ABL1: variants seen among roughly 807,000 people sequenced by gnomAD.
The protein encoded by ABL1 is ABL proto-oncogene 1, non-receptor tyrosine kinase.
In ABL1, 11 loss-of-function variants were observed where a neutral mutation model predicts 94.7. The observed-to-expected ratio is 0.12, with a 90% CI of 0.07 to 0.19. The LOEUF (loss-of-function observed/expected upper bound fraction) is 0.19. Ranked by LOEUF, ABL1 falls within the 10% of genes least tolerant of loss-of-function variation. The pLI is 1.00. For missense variants in ABL1, 1,082 were observed against 1,489.4 expected (o/e 0.73, Z 4.50); for synonymous variants, 656 against 622.4 (o/e 1.05, Z -0.80).
chr9:130,770,171 GTCTC>G (rs780747993), intron 1 of ABL1, among the ~76,000 whole-genome samples: 2 of 93,394 alleles, frequency 2.1e-5, no homozygotes, highest in Admixed American at 1.0e-4. Flanking sequence ...CTCTCTCTCT[GTCTC>G]TCTCTCTCTC....
intron 1 of ABL1, among the ~76,000 whole-genome samples, chr9:130,732,448 C>T (rs1296420431): frequency 6.6e-6 from 1 of 152,064 alleles, no homozygotes; most frequent in African/African-American, 2.4e-5. Context: ...CAGCAGTATC[C>T]TTTATCTATA....
upstream of ABL1, among the ~76,000 whole-genome samples, chr9:130,830,667 C>T (rs191917315): frequency 3.3e-3 from 499 of 152,338 alleles, 3 homozygotes; most frequent in Non-Finnish European, 5.4e-3. Flanking sequence ...AGACCTGATA[C>T]AGAAATAGTC....
intron 1 of ABL1, among the ~76,000 whole-genome samples, chr9:130,767,490 G>A (rs552403060): frequency 2.0e-5 from 3 of 152,292 alleles, no homozygotes; most frequent in African/African-American, 4.8e-5. Context: ...CTGCCACCAC[G>A]TCTGGCTAAT....
At chr9:130,874,143 C>T (rs1469390383) in intron 6 of ABL1, among the ~76,000 whole-genome samples, 1 of 152,208 alleles carries the variant, frequency 6.6e-6, no homozygotes, top group Non-Finnish European at 1.5e-5. Context: ...GCAGCCATCA[C>T]CTCAAGCTGC....
intron 1 of ABL1, among the ~76,000 whole-genome samples, chr9:130,826,048 CTAACT>C (rs1216359948): frequency 2.0e-5 from 3 of 152,148 alleles, no homozygotes; most frequent in Admixed American, 2.0e-4. Context: ...TGCTCTGCCA[CTAACT>C]TGCTATGTGA....
chr9:130,862,742 G>C lies in ABL1; in HGVS notation c.550-21G>C, dbSNP rs537025188. ...GCTTGCCTGTCTCTGTGGGCTGAAG[G>C]CTGTTCCCTGTTTCCTTCAGCTCTA... On this transcript the variant is annotated intron_variant, in intron 3 of 10. Transcript: ENST00000318560. This position sits in a 1 kb window ranked among gnomAD's most constrained non-coding sequence, Gnocchi z 5.5. 7 of 1,609,278 alleles carry C rather than the reference G, an allele frequency of 4.3e-6. No homozygotes were observed. The African/African-American group carries it at 9.3e-5, about 21-fold the overall frequency.
intron 4 of ABL1, among the ~76,000 whole-genome samples, chr9:130,865,357 C>T (rs1831137275): frequency 6.6e-6 from 1 of 152,156 alleles, no homozygotes; most frequent in Non-Finnish European, 1.5e-5. Flanking sequence ...TAAATTAGCC[C>T]TCCTTCCTCC....
chr9:130,880,221 TGGGTCATTC>T lies in ABL1; in HGVS notation c.1513+67_1513+75del. 2 of 1,519,904 alleles carry T rather than the reference TGGGTCATTC, an allele frequency of 1.3e-6. No homozygotes were observed. The highest frequency in any genetic ancestry group is 1.8e-6 in the Non-Finnish European group (2 of 1,094,858). 94.2% of individuals were successfully genotyped at this position (1,519,904 alleles called of 1,614,324 possible). A position where few individuals can be genotyped will look rare whatever the true frequency, so the allele number is the denominator to read the frequency against. On this transcript the variant is annotated intron_variant, in intron 9 of 10. Coordinates refer to ENST00000318560, the MANE Select transcript of ABL1 (RefSeq NM_005157.6). This position sits in a 1 kb window ranked among gnomAD's most constrained non-coding sequence, Gnocchi z 4.4. The stretch of plus-strand genomic sequence containing the variant: ...AGGGCAGCCATGTGGGACTGCAGCC[TGGGTCATTC>T]GGTTCACTTCCTGGTGAAAGTTCAC...
At chr9:130,845,623 GGTTGTGATCATT>G (rs1830756008) in intron 1 of ABL1, among the ~76,000 whole-genome samples, 1 of 152,090 alleles carries the variant, frequency 6.6e-6, no homozygotes, top group Non-Finnish European at 1.5e-5. Context: ...ATCAGGTGAC[GGTTGTGATCATT>G]GTTCGCACCA....
chr9:130,879,985 T>C (rs769317287), intron 8 of ABL1, 83 bp from the exon 9 acceptor site: 16 of 1,311,908 alleles, frequency 1.2e-5, no homozygotes, highest in Non-Finnish European at 1.7e-5. Context: ...TTGCTTTCAT[T>C]CTAGACTTTT....
At position 130,872,252 on chromosome 9, in the gene ABL1, C is replaced by T. The variant is rs745853540; in HGVS notation, c.907+39C>T. 29 of 1,586,494 alleles carry T rather than the reference C, an allele frequency of 1.8e-5. No individual in the cohort carries two copies. The highest frequency in any genetic ancestry group is 6.7e-5 in the African/African-American group (5 of 74,388). ...GGGCTCTGAAGAGAGGGTCTCGCGC[C>T]GCACCCCCAGGGTGACACAGGCGCT... On this transcript the variant is annotated intron_variant, in intron 5 of 10. Transcript: ENST00000318560. This position sits in a 1 kb window ranked among gnomAD's most constrained non-coding sequence, Gnocchi z 5.0.
At chr9:130,742,090 G>A (rs1007333874) in intron 1 of ABL1, among the ~76,000 whole-genome samples, 2 of 151,886 alleles carry the variant, frequency 1.3e-5, no homozygotes, top group Non-Finnish European at 1.5e-5. Context: ...GTTGTGGTGC[G>A]AGGCTCAGTC....
chr9:130,722,553 A>T (rs779679646), intron 1 of ABL1, among the ~76,000 whole-genome samples: 2 of 152,150 alleles, frequency 1.3e-5, no homozygotes, highest in Non-Finnish European at 2.9e-5. Flanking sequence ...GTAGTGGCAC[A>T]GTCATAGCTC....
intron 3 of ABL1, among the ~76,000 whole-genome samples, chr9:130,859,959 G>T (rs571529061): frequency 6.6e-6 from 1 of 152,094 alleles, no homozygotes; most frequent in Non-Finnish European, 1.5e-5. Context: ...GATTACAGGC[G>T]TGAGCCACTG....
chr9:130,829,660 A>G (rs1830470839), intron 1 of ABL1, among the ~76,000 whole-genome samples: 1 of 152,068 alleles, frequency 6.6e-6, no homozygotes, highest in Non-Finnish European at 1.5e-5. Flanking sequence ...TCTTTGAAGT[A>G]TTTGAGGGAA....
Position 130,880,684 on chromosome 9 carries a change from C to T in ABL1, c.1678+20C>T. ...AGAGCGGTAAGTCCCCCGCTTCCCCCAACCCCACTGCTCTTCCCTTCCCTG... is the reference window on the plus strand; with the variant it reads ...AGAGCGGTAAGTCCCCCGCTTCCCCTAACCCCACTGCTCTTCCCTTCCCTG... On this transcript the variant is annotated intron_variant, in intron 10 of 10. Coordinates refer to ENST00000318560, the MANE Select transcript of ABL1 (RefSeq NM_005157.6). The surrounding 1 kb of genome is among the most constrained non-coding windows in gnomAD (Gnocchi z 4.4). 6.2e-7 allele frequency: 1 copy of T among 1,611,034 alleles called. No homozygotes were observed. Among genetic ancestry groups the T allele is most frequent in the Non-Finnish European group, 8.5e-7 (1 of 1,178,870 alleles).
intron 1 of ABL1, among the ~76,000 whole-genome samples, chr9:130,852,705 A>G (rs186995838): frequency 6.6e-6 from 1 of 152,372 alleles, no homozygotes; most frequent in East Asian, 1.9e-4. Context: ...AAGAAACTTC[A>G]GGAACAAATA....
In ABL1 at chr9:130,870,543, C is replaced by T. The variant is rs142697860; in HGVS notation, c.823-1586C>T. On this transcript the variant is annotated intron_variant, in intron 4 of 10. Transcript: ENST00000318560. ...CATTGAATCCCCGGATACTGGCAGG[C>T]GTTCACTGTCCAGCCTTTGACATTA... Among the ~76,000 whole-genome samples, 159 of 152,288 alleles carry T rather than the reference C, an allele frequency of 1.0e-3. 1 individual carries two copies. The East Asian group carries it at 0.027, about 26-fold the overall frequency.
intron 1 of ABL1, among the ~76,000 whole-genome samples, chr9:130,818,186 C>T (rs1004416031): frequency 3.9e-5 from 6 of 152,100 alleles, no homozygotes; most frequent in African/African-American, 1.4e-4. Flanking sequence ...TTCAGTTTAT[C>T]GGGCCAGGCT....
Sources: gnomAD v4.1 joint callset for allele counts (sites outside exome capture counted in the v4.1 genomes callset) on GRCh38, gnomAD v4.1.1 for gene constraint, Gnocchi (gnomAD v3.1) non-coding constraint, MANE v1.5 for transcripts, NCBI Gene and HGNC (gene_info 2026-07-23, HGNC 2026-07-21) for gene names.